Variants in MARCHF1 observed in about 807,000 individuals in gnomAD.
MARCHF1 encodes the protein E3 ubiquitin-protein ligase MARCHF1.
Under a neutral mutation model 54.2 loss-of-function variants are expected in MARCHF1, and 40 were observed. That is an observed-to-expected ratio of 0.74 (90% CI 0.57 to 0.96). The LOEUF is 0.96. Among genes scored for constraint, MARCHF1 ranks in the 40% least tolerant of loss-of-function variants. MARCHF1 has a pLI of 0.00. For missense variants in MARCHF1, 586 were observed against 656.5 expected (o/e 0.89, Z 1.17); for synonymous variants, 236 against 236.3 (o/e 1.00, Z 0.01).
rs115336208 is a variant in MARCHF1, at chr4:163,783,584, G to A, written c.111+70437C>T. Among the ~76,000 whole-genome samples the A allele has an allele frequency of 3.7e-3, 567 of 152,286 alleles. 3 individuals carry two copies. Among genetic ancestry groups the A allele is most frequent in the African/African-American group, 0.013 (544 of 41,556 alleles). On this transcript the variant is annotated intron_variant, in intron 4 of 9. Coordinates refer to ENST00000514618, the MANE Select transcript of MARCHF1 (RefSeq NM_001394959.1). ...GCTGCAAGAGAGCCTGGGAAATGTTGATTTTTCCTTTTGTTTTCTTTGTTT... is the reference window on the plus strand; with the variant it reads ...GCTGCAAGAGAGCCTGGGAAATGTTAATTTTTCCTTTTGTTTTCTTTGTTT...
intron 1 of MARCHF1, among the ~76,000 whole-genome samples, chr4:164,326,530 T>C (rs927742223): frequency 1.3e-5 from 2 of 152,058 alleles, no homozygotes; most frequent in Non-Finnish European, 2.9e-5. Flanking sequence ...GTGAAGAACA[T>C]AGTACAAGGG....
intron 3 of MARCHF1, among the ~76,000 whole-genome samples, chr4:163,875,857 G>A (rs531763385): frequency 2.0e-5 from 3 of 152,094 alleles, no homozygotes; most frequent in South Asian, 2.1e-4. Context: ...GGGTACCAAA[G>A]AGAGGCAATT....
intron 4 of MARCHF1, among the ~76,000 whole-genome samples, chr4:163,816,433 T>C (rs1203921404): frequency 2.6e-5 from 4 of 151,898 alleles, no homozygotes; most frequent in Admixed American, 6.6e-5. Context: ...TTTACCTTCA[T>C]ACATACAAGG....
At chr4:163,648,030 C>T (rs549331073) in intron 5 of MARCHF1, among the ~76,000 whole-genome samples, 1 of 151,710 alleles carries the variant, frequency 6.6e-6, no homozygotes, top group East Asian at 1.9e-4. Context: ...AGAGAAGGTT[C>T]AAACTTCTGT....
rs574956699 is a variant in MARCHF1 at position 163,989,771 on chromosome 4, A to G, written c.-247-1062T>C. 3.9e-5 allele frequency among the ~76,000 whole-genome samples: 6 copies of G among 152,232 alleles called. No homozygotes were observed. In the East Asian group the frequency reaches 1.2e-3, roughly 29 times the overall value. On this transcript the variant is annotated intron_variant, in intron 2 of 9. Transcript: ENST00000514618. ...TGGCACTCTGTCTTTAAAAGGACAGAATTTTCTTTTCTCATTTTGAGATGT... is the reference window on the plus strand; with the variant it reads ...TGGCACTCTGTCTTTAAAAGGACAGGATTTTCTTTTCTCATTTTGAGATGT...
intron 1 of MARCHF1, among the ~76,000 whole-genome samples, chr4:164,198,880 C>G (rs891935182): frequency 6.6e-6 from 1 of 152,096 alleles, no homozygotes; most frequent in Non-Finnish European, 1.5e-5. Flanking sequence ...GAAACTCTTA[C>G]TATAAGAATA....
chr4:163,797,308 G>A (rs929005510), intron 4 of MARCHF1, among the ~76,000 whole-genome samples: 1 of 150,222 alleles, frequency 6.7e-6, no homozygotes, highest in African/African-American at 2.4e-5. Flanking sequence ...TTGGTATTAT[G>A]TACTCTCAGT....
At chr4:163,957,279 T>G (rs1444596825) in intron 3 of MARCHF1, among the ~76,000 whole-genome samples, 1 of 152,066 alleles carries the variant, frequency 6.6e-6, no homozygotes, top group African/African-American at 2.4e-5. Flanking sequence ...TGTGTATGTG[T>G]GTAGTAACTA....
At chr4:163,801,370 C>G (rs942337538) in intron 4 of MARCHF1, among the ~76,000 whole-genome samples, 2 of 151,812 alleles carry the variant, frequency 1.3e-5, no homozygotes, top group Non-Finnish European at 2.9e-5. Context: ...ACTTTATGCA[C>G]CAGTTCTTGA....
At chr4:164,376,485 A>G (rs1264870731) in intron 1 of MARCHF1, among the ~76,000 whole-genome samples, 1 of 152,206 alleles carries the variant, frequency 6.6e-6, no homozygotes, top group African/African-American at 2.4e-5. Flanking sequence ...CAAATAATAC[A>G]AGGTGATCCC....
intron 1 of MARCHF1, among the ~76,000 whole-genome samples, chr4:164,219,779 G>A (rs4691114): frequency 0.69 from 103,986 of 151,796 alleles, 35,906 homozygotes; most frequent in African/African-American, 0.74. Flanking sequence ...TAAAAAGGAC[G>A]AAAAAATGAT....
At chr4:163,758,843 C>T (rs1335811875) in intron 4 of MARCHF1, among the ~76,000 whole-genome samples, 1 of 152,070 alleles carries the variant, frequency 6.6e-6, no homozygotes, top group African/African-American at 2.4e-5. Flanking sequence ...TGATATTGAA[C>T]ATATTATTGT....
chr4:164,251,882 TTAAG>T (rs1343524733), intron 1 of MARCHF1, among the ~76,000 whole-genome samples: 20 of 152,144 alleles, frequency 1.3e-4, no homozygotes, highest in Admixed American at 1.0e-3. Context: ...CAAAAAATAA[TTAAG>T]TAATTGTATA....
chr4:163,660,444 C>T (rs1743307125), intron 5 of MARCHF1, among the ~76,000 whole-genome samples: 1 of 151,898 alleles, frequency 6.6e-6, no homozygotes, highest in South Asian at 2.1e-4. Flanking sequence ...AGGACAAAGA[C>T]CTAATGCATG....
chr4:164,251,588 C>G (rs1347898551), intron 1 of MARCHF1, among the ~76,000 whole-genome samples: 3 of 152,124 alleles, frequency 2.0e-5, no homozygotes, highest in Non-Finnish European at 4.4e-5. Context: ...GTTTTGCACT[C>G]TAGGTACTAG....
At chr4:164,277,049 A>G (rs1187259405) in intron 1 of MARCHF1, among the ~76,000 whole-genome samples, 5 of 151,582 alleles carry the variant, frequency 3.3e-5, no homozygotes, top group African/African-American at 1.2e-4. Context: ...GAGTCAGGAG[A>G]ACTACAATTG....
chr4:163,562,823 C>T (rs900453754), intron 8 of MARCHF1, among the ~76,000 whole-genome samples: 1 of 152,188 alleles, frequency 6.6e-6, no homozygotes, highest in Non-Finnish European at 1.5e-5. Flanking sequence ...AATAATTAAA[C>T]TGTTCACCCC....
chr4:164,168,309 A>T (rs1730432677), intron 1 of MARCHF1, among the ~76,000 whole-genome samples: 1 of 152,020 alleles, frequency 6.6e-6, no homozygotes, highest in Non-Finnish European at 1.5e-5. Flanking sequence ...ACAGAACCTT[A>T]GTGTATTGTT....
At chr4:163,835,452 C>G (rs1749154477) in intron 4 of MARCHF1, among the ~76,000 whole-genome samples, 1 of 152,168 alleles carries the variant, frequency 6.6e-6, no homozygotes, top group African/African-American at 2.4e-5. Context: ...TGTAGACAGA[C>G]TGTAGCCTAA....
Sources: allele counts gnomAD v4.1 joint callset (sites outside exome capture counted in the v4.1 genomes callset), GRCh38; gene constraint gnomAD v4.1.1; transcripts MANE v1.5; gene names NCBI Gene and HGNC (gene_info 2026-07-23, HGNC 2026-07-21).